SIK2: variants seen among roughly 807,000 people sequenced by gnomAD.
SIK2 encodes salt inducible kinase 2, also known as serine/threonine-protein kinase SIK2.
Under a neutral mutation model 103.2 loss-of-function variants are expected in SIK2, and 29 were observed. That is an observed-to-expected ratio of 0.28 (90% confidence interval 0.21 to 0.38). SIK2 has a LOEUF of 0.38. Among genes scored for constraint, SIK2 ranks in the 10% least tolerant of loss-of-function variants. The pLI, the probability that SIK2 is intolerant of heterozygous loss-of-function variation, is 1.00. For synonymous variants in SIK2, 412 were observed against 446.1 expected, an observed-to-expected ratio of 0.92 and a Z score of 0.96; for missense variants, 879 against 1,171.0, an observed-to-expected ratio of 0.75 and a Z score of 3.64.
chr11:111,665,387 G>C (rs1942523986), intron 3 of SIK2, among the ~76,000 whole-genome samples: 2 of 152,048 alleles, frequency 1.3e-5, no homozygotes, highest in African/African-American at 4.8e-5. Context: ...TCTGAGGTTG[G>C]AGGAAAGTAG....
At chr11:111,655,123 T>G (rs1942375138) in intron 3 of SIK2, among the ~76,000 whole-genome samples, 1 of 152,216 alleles carries the variant, frequency 6.6e-6, no homozygotes, top group East Asian at 1.9e-4. Context: ...TTTCTCTGGC[T>G]GGGCACAGTG....
chr11:111,716,931 C>G (rs971754427), intron 9 of SIK2, among the ~76,000 whole-genome samples: 1 of 152,058 alleles, frequency 6.6e-6, no homozygotes, highest in African/African-American at 2.4e-5. Context: ...AACAAATTTA[C>G]AAGAAAAATC....
chr11:111,604,788 G>A (rs768685929), intron 1 of SIK2, among the ~76,000 whole-genome samples: 1 of 152,146 alleles, frequency 6.6e-6, no homozygotes, highest in Non-Finnish European at 1.5e-5. Context: ...TAAAGAAGCT[G>A]TTATTAACAT....
chr11:111,717,993 C>T (rs984684099), intron 9 of SIK2, among the ~76,000 whole-genome samples: 1 of 152,042 alleles, frequency 6.6e-6, no homozygotes, highest in Non-Finnish European at 1.5e-5. Context: ...GATAGGTTGA[C>T]AGGTGCAGCA....
chr11:111,701,034 G>A lies in SIK2; in HGVS notation c.603+24G>A. 1 of 1,611,296 alleles carries A rather than the reference G, an allele frequency of 6.2e-7. No individual in the cohort carries two copies. Among genetic ancestry groups the A allele is most frequent in the Non-Finnish European group, 8.5e-7 (1 of 1,178,008 alleles). On this transcript the variant is annotated intron_variant, in intron 5 of 14. Transcript: ENST00000304987. The surrounding 1 kb of genome is among the most constrained non-coding windows in gnomAD (Gnocchi z 4.2). Reference sequence around the variant, plus strand: ...GGGTACTGCTTTGCTTTGCTGTGTTGTTAAATGCATCTATACTGATAATAC... The same window carrying A: ...GGGTACTGCTTTGCTTTGCTGTGTTATTAAATGCATCTATACTGATAATAC...
At chr11:111,645,963 A>G (rs1221467658) in intron 3 of SIK2, among the ~76,000 whole-genome samples, 1 of 152,174 alleles carries the variant, frequency 6.6e-6, no homozygotes, top group Non-Finnish European at 1.5e-5. Context: ...GTGGTTATGT[A>G]GGTATTTATA....
intron 3 of SIK2, chr11:111,682,977 A>C (rs913710205): frequency 6.6e-6 from 1 of 152,262 alleles, no homozygotes; most frequent in African/African-American, 2.4e-5. Context: ...GACATACAAA[A>C]TATAACCTTA....
intron 4 of SIK2, among the ~76,000 whole-genome samples, chr11:111,697,489 A>G (rs551482125): frequency 1.7e-4 from 26 of 152,318 alleles, no homozygotes; most frequent in African/African-American, 4.8e-4. Flanking sequence ...ACTACCTACT[A>G]TGTTTCAATC....
intron 3 of SIK2, among the ~76,000 whole-genome samples, chr11:111,645,010 A>T (rs376664471): frequency 5.9e-5 from 9 of 152,182 alleles, no homozygotes; most frequent in Admixed American, 2.6e-4. Flanking sequence ...AGAGCAGGGG[A>T]CAAGTCAGGC....
intron 3 of SIK2, among the ~76,000 whole-genome samples, chr11:111,681,983 G>A (rs1008166873): frequency 2.6e-5 from 4 of 152,196 alleles, no homozygotes; most frequent in Non-Finnish European, 5.9e-5. Context: ...GTAAGTCCCA[G>A]TAAGCCGTGT....
chr11:111,616,832 T>TAA (rs975166536), intron 2 of SIK2, among the ~76,000 whole-genome samples: 1 of 146,390 alleles, frequency 6.8e-6, no homozygotes. Context: ...CACTGTCTCT[T>TAA]AAAAAAAAAA....
intron 3 of SIK2, among the ~76,000 whole-genome samples, chr11:111,663,385 G>A (rs189904424): frequency 5.9e-5 from 9 of 152,250 alleles, no homozygotes; most frequent in Admixed American, 1.3e-4. Context: ...ACAGCCAGAC[G>A]AAGGCCTTGA....
At chr11:111,677,352 T>C (rs1016114290) in intron 3 of SIK2, among the ~76,000 whole-genome samples, 1 of 152,210 alleles carries the variant, frequency 6.6e-6, no homozygotes, top group African/African-American at 2.4e-5. Flanking sequence ...ATCTTGTCTG[T>C]AAGCCAGTAT....
rs770510311 is a variant in SIK2, at chr11:111,720,997, G to C, written c.1879G>C (p.Glu627Gln). 54 of 1,614,054 alleles carry C rather than the reference G, an allele frequency of 3.3e-5. No homozygotes were observed. Among genetic ancestry groups the C allele is most frequent in the Non-Finnish European group, 4.4e-5 (52 of 1,180,038 alleles). Residue 627 changes from glutamate (E) to glutamine (Q), a missense_variant, in exon 12 of 15, where the codon GAG becomes CAG. Coordinates refer to ENST00000304987, the MANE Select transcript of SIK2 (RefSeq NM_015191.3). ...GTTGTTGTATGAACAAATAGGACCG[G>C]AGGCAGACCCTAACCTGGCGCCGGC... ...VQLLYEQIGPEADPNLAPAAP... is the reference protein window; with the variant it reads ...VQLLYEQIGPQADPNLAPAAP...
rs181001873 is a variant in SIK2, at chr11:111,657,631, C to T, written c.317-30370C>T. Among the ~76,000 whole-genome samples, 314 of 152,292 alleles carry T rather than the reference C, an allele frequency of 2.1e-3. 1 individual carries two copies. The highest frequency in any genetic ancestry group is 7.3e-3 in the African/African-American group (304 of 41,548). On this transcript the variant is annotated intron_variant, in intron 3 of 14. Transcript: ENST00000304987. Reference sequence around the variant, plus strand: ...CTCGAGGTCCTGGCCTCAAGCGATCCGCCTGCCCTGGCCTCCCAAAGTGCT... The same window carrying T: ...CTCGAGGTCCTGGCCTCAAGCGATCTGCCTGCCCTGGCCTCCCAAAGTGCT...
chr11:111,685,138 C>T (rs533651546), intron 3 of SIK2, among the ~76,000 whole-genome samples: 2 of 152,270 alleles, frequency 1.3e-5, no homozygotes, highest in African/African-American at 2.4e-5. Context: ...CACCAGTGAC[C>T]AAATAAGTGG....
intron 3 of SIK2, among the ~76,000 whole-genome samples, chr11:111,623,045 A>AAT (rs1351000545): frequency 6.6e-6 from 1 of 152,196 alleles, no homozygotes; most frequent in Admixed American, 6.5e-5. Flanking sequence ...AATGTATATT[A>AAT]AACTGTTTGA....
chr11:111,641,613 G>A (rs1260230196), intron 3 of SIK2, among the ~76,000 whole-genome samples: 1 of 152,090 alleles, frequency 6.6e-6, no homozygotes, highest in African/African-American at 2.4e-5. Context: ...TTCAGCTCAT[G>A]ATTAGGATCC....
At chr11:111,719,459 G>A (rs1215350338) in intron 9 of SIK2, among the ~76,000 whole-genome samples, 1 of 145,216 alleles carries the variant, frequency 6.9e-6, no homozygotes, top group Non-Finnish European at 1.5e-5. Context: ...AATAATAACT[G>A]GTAGTCCTCA....
Sources: allele counts gnomAD v4.1 joint callset (sites outside exome capture counted in the v4.1 genomes callset), GRCh38; gene constraint gnomAD v4.1.1; non-coding constraint Gnocchi (gnomAD v3.1); transcripts MANE v1.5; gene names NCBI Gene and HGNC (gene_info 2026-07-23, HGNC 2026-07-21).